Variants in KCNH4 observed in about 807,000 individuals in gnomAD.
KCNH4 encodes voltage-gated delayed rectifier potassium channel KCNH4.
A neutral mutation model predicts 90.7 loss-of-function variants in KCNH4; 33 were observed. That is an observed-to-expected ratio of 0.36 (90% CI 0.28 to 0.49). The LOEUF is 0.49. KCNH4 is among the 20% of genes least tolerant of loss of function. The pLI, the probability that KCNH4 is intolerant of heterozygous loss-of-function variation, is 0.98. For synonymous variants in KCNH4, 551 were observed against 581.7 expected (o/e 0.95, Z 0.76); for missense variants, 1,044 against 1,387.1 (o/e 0.75, Z 3.93).
rs747417490 is a variant in KCNH4 at position 42,178,953 on chromosome 17, G to A, written c.150C>T (p.Cys50=). 21 of 1,614,114 alleles carry A rather than the reference G, an allele frequency of 1.3e-5. No homozygotes were observed. The highest frequency in any genetic ancestry group is 1.0e-4 in the Admixed American group (6 of 60,006). Residue 50 remains cysteine (C), a synonymous_variant, in exon 2 of 17, where the codon TGC becomes TGT. Coordinates refer to ENST00000264661, the MANE Select transcript of KCNH4 (RefSeq NM_012285.3). ...FPIVYCSDGF[C]ELTGYGRTEV... ...CGGTGCGACCGTAGCCTGTGAGCTCGCAGAAGCCGTCGGAGCAGTAGACGA... is the reference window on the plus strand; with the variant it reads ...CGGTGCGACCGTAGCCTGTGAGCTCACAGAAGCCGTCGGAGCAGTAGACGA...
rs2079894659 is a variant in KCNH4 at position 42,180,589 on chromosome 17, G to A, written c.76+281C>T. 6.6e-6 allele frequency among the ~76,000 whole-genome samples: 1 copy of A among 151,948 alleles called. No homozygotes were observed. The highest frequency in any genetic ancestry group is 2.4e-5 in the African/African-American group (1 of 41,362). ...CCAGCACAGCTCTGCCCGAGAGTGG[G>A]CGGCTCCGAAGGACCCTCCTCCGCT... is the stretch of plus-strand genomic sequence containing the variant. On this transcript the variant is annotated intron_variant, in intron 1 of 16. Transcript: ENST00000264661. The surrounding 1 kb of genome is among the most constrained non-coding windows in gnomAD (Gnocchi z 4.7).
intron 12 of KCNH4, 77 bp downstream of exon 12, chr17:42,164,053 C>G: frequency 1.3e-6 from 2 of 1,515,844 alleles, no homozygotes; most frequent in Non-Finnish European, 1.8e-6. Flanking sequence ...GCTCCCCATC[C>G]ATGGAAAGGG....
At chr17:42,159,007 A>C (rs1464773099) in intron 16 of KCNH4, among the ~76,000 whole-genome samples, 1 of 151,646 alleles carries the variant, frequency 6.6e-6, no homozygotes, top group Non-Finnish European at 1.5e-5. Context: ...AGAAATTGGA[A>C]TATCTGTATT....
intron 6 of KCNH4, 121 bp downstream of exon 6, chr17:42,175,458 T>C (rs185184443): frequency 8.6e-7 from 1 of 1,160,346 alleles, no homozygotes; most frequent in African/African-American, 1.5e-5. Context: ...AGGTGCCTGA[T>C]AAATATCTGC....
chr17:42,167,740 G>C (rs2079797929), intron 9 of KCNH4, among the ~76,000 whole-genome samples: 1 of 152,158 alleles, frequency 6.6e-6, no homozygotes, highest in South Asian at 2.1e-4. Flanking sequence ...GTCACTCTGA[G>C]CTCCTCTCTT....
At position 42,163,374 on chromosome 17, in the gene KCNH4, G is replaced by A; in HGVS notation, c.2478-40C>T. The A allele has an allele frequency of 6.8e-7, 1 of 1,465,580 alleles. No homozygotes were observed. Among genetic ancestry groups the A allele is most frequent in the Non-Finnish European group, 9.5e-7 (1 of 1,048,136 alleles). 90.8% of individuals were successfully genotyped at this position (1,465,580 alleles called of 1,614,324 possible). A position where few individuals can be genotyped will look rare whatever the true frequency, so the allele number is the denominator to read the frequency against. Reference sequence around the variant, plus strand: ...GTGCTCATCAGCACCATGGGGTGAGGGTAAGGGCCAGAGCAGAGCAGACAG... The same window carrying A: ...GTGCTCATCAGCACCATGGGGTGAGAGTAAGGGCCAGAGCAGAGCAGACAG... On this transcript the variant is annotated intron_variant, in intron 13 of 16. Transcript: ENST00000264661. This position sits in a 1 kb window ranked among gnomAD's most constrained non-coding sequence, Gnocchi z 5.4.
At chr17:42,179,128 GAA>G in intron 1 of KCNH4, 102 bp from the exon 2 acceptor site, 1 of 771,974 alleles carries the variant, frequency 1.3e-6, no homozygotes. Flanking sequence ...CACAGAGCCA[GAA>G]GCTTCCCAGG....
At chr17:42,161,044 AG>A (rs1469040887) in intron 15 of KCNH4, among the ~76,000 whole-genome samples, 2 of 145,536 alleles carry the variant, frequency 1.4e-5, no homozygotes, top group Non-Finnish European at 3.0e-5. Flanking sequence ...CTCCTGCCTC[AG>A]CCTCCCAAGT....
At position 42,163,928 on chromosome 17, in the gene KCNH4, C is replaced by G; in HGVS notation, c.2155G>C (p.Asp719His). Residue 719 changes from aspartate to histidine, a missense_variant, in exon 13 of 17, where the codon GAC becomes CAC. Around this residue, in one of 4 missense-constraint regions of KCNH4, gnomAD observed 441 missense variants for 512.3 expected, o/e 0.86. Transcript: ENST00000264661. The surrounding 1 kb of genome is among the most constrained non-coding windows in gnomAD (Gnocchi z 5.4). ...PRSESLGSSSDKTLPSITEAE... is the reference protein window; with the variant it reads ...PRSESLGSSSHKTLPSITEAE... Reference sequence around the variant, plus strand: ...TCTGTGATGGATGGCAGCGTCTTGTCTGAGGAGGAGCCGAGGCTTTCTGAG... The same window carrying G: ...TCTGTGATGGATGGCAGCGTCTTGTGTGAGGAGGAGCCGAGGCTTTCTGAG... 1 of 1,546,614 alleles carries G rather than the reference C, an allele frequency of 6.5e-7. No homozygotes were observed. The highest frequency in any genetic ancestry group is 8.7e-7 in the Non-Finnish European group (1 of 1,146,310).
rs941902604 is a variant in KCNH4 at position 42,176,792 on chromosome 17, G to A, written c.586-495C>T. 5.3e-5 allele frequency among the ~76,000 whole-genome samples: 8 copies of A among 152,168 alleles called. No homozygotes were observed. In the East Asian group the frequency reaches 1.6e-3, roughly 30 times the overall value. On this transcript the variant is annotated intron_variant, in intron 4 of 16. Transcript: ENST00000264661. ...CCCACCTCAGCCTCCCAAAGTGCTA[G>A]GATTACAGGTGTGAGCCACTGTGCC... is the stretch of plus-strand genomic sequence containing the variant.
intron 6 of KCNH4, 142 bp downstream of exon 6, chr17:42,175,437 A>C: frequency 1.0e-6 from 1 of 960,054 alleles, no homozygotes; most frequent in Non-Finnish European, 1.6e-6. Flanking sequence ...GCACAGGGCT[A>C]TGCCCAGAGC....
At chr17:42,161,955 T>C (rs942847541) in intron 15 of KCNH4, among the ~76,000 whole-genome samples, 7 of 149,372 alleles carry the variant, frequency 4.7e-5, no homozygotes, top group African/African-American at 1.5e-4. Flanking sequence ...TCTCTCTCTT[T>C]TTTTTTTTTT....
At chr17:42,175,051 C>G (rs1365420134) in intron 6 of KCNH4, among the ~76,000 whole-genome samples, 2 of 152,224 alleles carry the variant, frequency 1.3e-5, no homozygotes, top group African/African-American at 4.8e-5. Flanking sequence ...TTTACACACA[C>G]TCATGTTCCA....
At chr17:42,158,835 T>TAA (rs1220913096) in intron 16 of KCNH4, among the ~76,000 whole-genome samples, 1 of 148,764 alleles carries the variant, frequency 6.7e-6, no homozygotes, top group African/African-American at 2.4e-5. Context: ...ACTCCGTCTA[T>TAA]AAAAAAATAT....
intron 9 of KCNH4, among the ~76,000 whole-genome samples, chr17:42,169,036 G>T (rs1297771029): frequency 6.6e-6 from 1 of 151,886 alleles, no homozygotes; most frequent in Admixed American, 6.6e-5. Context: ...CTCCCAAAGT[G>T]CTGGGATTAC....
chr17:42,175,858 TG>T, intron 5 of KCNH4, 122 bp from the exon 6 acceptor site: 1 of 1,330,686 alleles, frequency 7.5e-7, no homozygotes, highest in African/African-American at 1.5e-5. Flanking sequence ...ATTGGGCTTC[TG>T]GCTGGTCCTT....
At chr17:42,174,115 A>G (rs1235194482) in intron 6 of KCNH4, among the ~76,000 whole-genome samples, 1 of 152,002 alleles carries the variant, frequency 6.6e-6, no homozygotes, top group Non-Finnish European at 1.5e-5. Context: ...GTGCCAGCAC[A>G]CCCGGCTAAT....
chr17:42,161,342 C>T (rs1053966730), intron 15 of KCNH4, among the ~76,000 whole-genome samples: 4 of 152,224 alleles, frequency 2.6e-5, no homozygotes, highest in South Asian at 4.1e-4. Context: ...CAGCCCCGCT[C>T]AGGCCCCAGG....
chr17:42,160,920 CTTTTTTTTTTT>C (rs57677761), intron 15 of KCNH4, among the ~76,000 whole-genome samples: 2 of 73,416 alleles, frequency 2.7e-5, no homozygotes, highest in Non-Finnish European at 4.8e-5. Context: ...TTTTCTTTTT[CTTTTTTTTTTT>C]TTTTTTTTTT....
Sources: allele counts gnomAD v4.1 joint callset (sites outside exome capture counted in the v4.1 genomes callset), GRCh38; gene constraint gnomAD v4.1.1; regional missense constraint gnomAD v4.1.1; non-coding constraint Gnocchi (gnomAD v3.1); transcripts MANE v1.5; gene names NCBI Gene and HGNC (gene_info 2026-07-23, HGNC 2026-07-21).